Variants in ETV5 observed in about 807,000 individuals in gnomAD.
The protein encoded by ETV5 is ETS variant transcription factor 5, also known as ETS translocation variant 5.
A neutral mutation model predicts 70.0 loss-of-function variants in ETV5; 10 were observed. The observed-to-expected ratio is 0.14, with a 90% CI of 0.09 to 0.24. The LOEUF is 0.24. Ranked by LOEUF, ETV5 falls within the 10% of genes least tolerant of loss-of-function variation. ETV5 has a pLI of 1.00. For missense variants in ETV5, 453 were observed against 651.2 expected (o/e 0.70, Z 3.31); for synonymous variants, 216 against 242.2 (o/e 0.89, Z 1.01).
intron 11 of ETV5, among the ~76,000 whole-genome samples, chr3:186,056,481 C>G (rs532427558): frequency 6.6e-6 from 1 of 152,006 alleles, no homozygotes; most frequent in African/African-American, 2.4e-5. Flanking sequence ...ATCCTGGGGT[C>G]AAGCAATACA....
intron 9 of ETV5, among the ~76,000 whole-genome samples, chr3:186,059,029 A>T (rs71320330): frequency 0.14 from 21,688 of 150,496 alleles, 2,013 homozygotes; most frequent in Non-Finnish European, 0.2. Context: ...AAAAAAATAA[A>T]ATAAAAATAA....
At chr3:186,060,162 G>C (rs534854639) in intron 9 of ETV5, among the ~76,000 whole-genome samples, 32 of 152,224 alleles carry the variant, frequency 2.1e-4, no homozygotes, top group Non-Finnish European at 4.0e-4. Context: ...TGTCAAACTT[G>C]CCATGTTATT....
intron 8 of ETV5, 25 bp downstream of exon 8, chr3:186,065,788 A>C: frequency 1.2e-6 from 2 of 1,613,610 alleles, no homozygotes; most frequent in South Asian, 2.2e-5. Context: ...GAATGAAGCA[A>C]AGAATAGCAC....
At chr3:186,079,061 T>C (rs997796710) in intron 7 of ETV5, 5 of 1,065,150 alleles carry the variant, frequency 4.7e-6, no homozygotes, top group African/African-American at 3.3e-5. Context: ...CCTTTGGTAA[T>C]ATTGTTGACA....
intron 5 of ETV5, among the ~76,000 whole-genome samples, chr3:186,099,218 G>A (rs1714388497): frequency 6.6e-6 from 1 of 152,146 alleles, no homozygotes; most frequent in Non-Finnish European, 1.5e-5. Context: ...TCTAACTAGT[G>A]CCGGCACATA....
Position 186,047,904 on chromosome 3 carries a change from C to G in ETV5, c.*735G>C. ...AACAATCCCCCAAATCAGGGCAAAACAAAATACTGTCAAAAGTGTTAATCG... is the reference window on the plus strand; with the variant it reads ...AACAATCCCCCAAATCAGGGCAAAAGAAAATACTGTCAAAAGTGTTAATCG... On this transcript the variant is annotated 3_prime_UTR_variant, in exon 13 of 13. Coordinates refer to ENST00000306376, the MANE Select transcript of ETV5 (RefSeq NM_004454.3). 4.3e-6 allele frequency: 1 copy of G among 233,536 alleles called. No individual in the cohort carries two copies. Among genetic ancestry groups the G allele is most frequent in the Non-Finnish European group, 8.5e-6 (1 of 117,962 alleles). 14.5% of individuals were successfully genotyped at this position (233,536 alleles called of 1,614,324 possible).
chr3:186,093,155 T>C (rs1310553027), intron 5 of ETV5, among the ~76,000 whole-genome samples: 1 of 152,170 alleles, frequency 6.6e-6, no homozygotes, highest in Non-Finnish European at 1.5e-5. Context: ...TTGTAGCTTC[T>C]AGCAGACCCC....
chr3:186,081,316 C>T (rs189660279), intron 5 of ETV5, 141 bp from the exon 6 acceptor site: 69 of 703,958 alleles, frequency 9.8e-5, no homozygotes, highest in East Asian at 7.5e-4. Flanking sequence ...AAAAGCAAAA[C>T]GCTTAAACAC....
At chr3:186,064,352 G>A (rs950498127) in intron 9 of ETV5, 65 bp downstream of exon 9, 23 of 1,476,370 alleles carry the variant, frequency 1.6e-5, no homozygotes, top group South Asian at 2.3e-5. Flanking sequence ...AAGAAAAGCC[G>A]AGAGAAAGAA....
chr3:186,049,750 C>CA (rs1193553734), intron 12 of ETV5, among the ~76,000 whole-genome samples: 1 of 152,188 alleles, frequency 6.6e-6, no homozygotes, highest in African/African-American at 2.4e-5. Flanking sequence ...TATGGCTCTG[C>CA]TTCCACATCT....
chr3:186,068,406 T>C (rs1713505674), intron 7 of ETV5, among the ~76,000 whole-genome samples: 1 of 152,250 alleles, frequency 6.6e-6, no homozygotes, highest in Non-Finnish European at 1.5e-5. Context: ...TAACACTGCC[T>C]ATCTGTGGGG....
In ETV5 at chr3:186,082,358, A is replaced by C. The variant is rs533193923; in HGVS notation, c.233-1183T>G. Among the ~76,000 whole-genome samples the C allele has an allele frequency of 7.9e-5, 12 of 152,290 alleles. No individual in the cohort carries two copies. The South Asian group carries it at 2.5e-3, about 32-fold the overall frequency. On this transcript the variant is annotated intron_variant, in intron 5 of 12. Transcript: ENST00000306376. ...CATTTTGACTCAATGTTTACTCCTA[A>C]AACATCTTTAGGAGTTACTTCTTAG...
At chr3:186,069,184 C>T (rs1010923189) in intron 7 of ETV5, among the ~76,000 whole-genome samples, 6 of 152,178 alleles carry the variant, frequency 3.9e-5, no homozygotes, top group African/African-American at 9.7e-5. Flanking sequence ...TAAAGCAGCA[C>T]GGTAAGATCA....
intron 7 of ETV5, among the ~76,000 whole-genome samples, chr3:186,078,391 T>G (rs1006076576): frequency 6.6e-6 from 1 of 152,196 alleles, no homozygotes; most frequent in Non-Finnish European, 1.5e-5. Context: ...AGATGCTGTT[T>G]AAAAACACCA....
Position 186,096,953 on chromosome 3 carries a change from A to C in ETV5, c.232+8352T>G, listed in dbSNP as rs184486224. The stretch of plus-strand genomic sequence containing the variant: ...GCCAGCTATGTGGGAGGACTGCTTG[A>C]GGCCATGAGTTTCAGACCAGCCTGG... On this transcript the variant is annotated intron_variant, in intron 5 of 12. Coordinates refer to ENST00000306376, the MANE Select transcript of ETV5 (RefSeq NM_004454.3). Among the ~76,000 whole-genome samples, 16 of 152,228 alleles carry C rather than the reference A, an allele frequency of 1.1e-4. No individual in the cohort carries two copies. In the East Asian group the frequency reaches 2.9e-3, roughly 28 times the overall value.
At chr3:186,093,706 G>A (rs6444106) in intron 5 of ETV5, among the ~76,000 whole-genome samples, 45,533 of 152,046 alleles carry the variant, frequency 0.3, 8,314 homozygotes, top group East Asian at 0.54. Flanking sequence ...TCCAAACTCC[G>A]GGGGGAGCTC....
Position 186,057,071 on chromosome 3 carries a change from A to G in ETV5, c.1209+4T>C. On this transcript the variant is annotated splice_donor_region_variant and intron_variant, in intron 11 of 12. Coordinates refer to ENST00000306376, the MANE Select transcript of ETV5 (RefSeq NM_004454.3). The surrounding 1 kb of genome is among the most constrained non-coding windows in gnomAD (Gnocchi z 4.9). ...CCCGTCTGAGTCCAGCATCCAGTGC[A>G]TACCTCTTCCGGTTCTATCAGCTTG... The G allele has an allele frequency of 1.2e-6, 2 of 1,614,016 alleles. No homozygotes were observed. The highest frequency in any genetic ancestry group is 8.5e-7 in the Non-Finnish European group (1 of 1,179,888).
intron 9 of ETV5, among the ~76,000 whole-genome samples, chr3:186,060,931 T>C (rs1216766386): frequency 6.6e-6 from 1 of 152,200 alleles, no homozygotes; most frequent in African/African-American, 2.4e-5. Context: ...ACTGCTTCTG[T>C]AGAAACATTC....
chr3:186,064,121 A>G (rs1167228118), intron 9 of ETV5: 3 of 414,842 alleles, frequency 7.2e-6, no homozygotes, highest in Non-Finnish European at 1.3e-5. Context: ...TACTGTTAAA[A>G]AGTTGGGGTC....
Sources: allele counts gnomAD v4.1 joint callset (sites outside exome capture counted in the v4.1 genomes callset), GRCh38; gene constraint gnomAD v4.1.1; non-coding constraint Gnocchi (gnomAD v3.1); transcripts MANE v1.5; gene names NCBI Gene and HGNC (gene_info 2026-07-23, HGNC 2026-07-21).